CENPM: variants seen among roughly 807,000 people sequenced by gnomAD.
The protein encoded by CENPM is interphase centromere complex protein 39.
Under a neutral mutation model 19.6 loss-of-function variants are expected in CENPM, and 14 were observed. That is an observed-to-expected ratio of 0.71 (90% CI 0.47 to 1.11). The LOEUF (loss-of-function observed/expected upper bound fraction) is 1.11, where lower values mean the gene tolerates loss of function less well. Ranked by LOEUF, CENPM falls within the 50% of genes most tolerant of loss-of-function variation. The pLI is 0.00. For synonymous variants in CENPM, 114 were observed against 101.5 expected, an observed-to-expected ratio of 1.12 and a Z score of -0.74; for missense variants, 239 against 228.4, an observed-to-expected ratio of 1.05 and a Z score of -0.30.
At position 41,946,436 on chromosome 22, in the gene CENPM, A is replaced by G. The variant is rs751933875; in HGVS notation, c.118T>C (p.Cys40Arg). 1.1e-5 allele frequency: 18 copies of G among 1,612,910 alleles called. No individual in the cohort carries two copies. In the South Asian group the frequency reaches 2.0e-4, roughly 18 times the overall value. The change falls in exon 2 of 6, where the codon TGC becomes CGC. Residue 40 changes from cysteine (C) to arginine (R), a missense_variant. By Grantham distance (180) the Cys-to-Arg change is radical. Coordinates refer to ENST00000215980, the MANE Select transcript of CENPM (RefSeq NM_024053.5). ...ACTTACACCTTCAGCTCGGAGGCGC[A>G]GTCCTCTTTGAGCATCGAGTCCGCC... ...QLADSMLKED[C>R]ASELKVHLAK...
In CENPM at chr22:41,945,849, C is replaced by G; in HGVS notation, c.230+64G>C. ...CACTTCCCATCACAAGTTAGGTCAC[C>G]GTCTCAGCACAGTCCTGAGCCAGGC... On this transcript the variant is annotated intron_variant, in intron 3 of 5. Coordinates refer to ENST00000215980, the MANE Select transcript of CENPM (RefSeq NM_024053.5). The G allele has an allele frequency of 3.0e-6, 4 of 1,313,400 alleles. No individual in the cohort carries two copies. In the South Asian group the frequency reaches 5.0e-5, roughly 17 times the overall value. 81.4% of individuals were successfully genotyped at this position (1,313,400 alleles called of 1,614,324 possible).
At chr22:41,934,804 G>T (rs554804733), downstream of CENPM, among the ~76,000 whole-genome samples, 1 of 152,168 alleles carries the variant, frequency 6.6e-6, no homozygotes, top group Non-Finnish European at 1.5e-5. Flanking sequence ...CTGAGGTCAC[G>T]CCACCAAGCA....
chr22:41,943,755 T>C, intron 4 of CENPM, 54 bp from the exon 5 acceptor site: 1 of 1,519,228 alleles, frequency 6.6e-7, no homozygotes, highest in Non-Finnish European at 9.1e-7. Context: ...CTGGCTGGAA[T>C]TCAGGAAGTG....
chr22:41,940,234 G>A, intron 5 of CENPM: 1 of 724,396 alleles, frequency 1.4e-6, no homozygotes, highest in Non-Finnish European at 2.6e-6. Context: ...ACTTCCTTCA[G>A]GTCTTTATTT....
rs2077786308 is a variant in CENPM, at chr22:41,945,291, CTG to C, written c.242_243del (p.Thr81ArgfsTer51). ...NLHSKYSLQN[T>X]EESLRHVDAS... Reference sequence around the variant, plus strand: ...GCATCCACATGGCGCAGGGACTCCTCTGTGTTCTGGAGACTGGGGTGGCCAGG... The same window carrying C: ...GCATCCACATGGCGCAGGGACTCCTCTGTTCTGGAGACTGGGGTGGCCAGG... On this transcript the variant is annotated frameshift_variant, in exon 4 of 6. Transcript: ENST00000215980. LOFTEE classifies it high-confidence loss of function. The C allele has an allele frequency of 6.2e-7, 1 of 1,613,852 alleles. No homozygotes were observed. Among genetic ancestry groups the C allele is most frequent in the African/African-American group, 1.3e-5 (1 of 74,842 alleles).
the CENPM span, among the ~76,000 whole-genome samples, chr22:41,931,687 C>G: frequency 2.6e-5 from 4 of 152,294 alleles, no homozygotes; most frequent in African/African-American, 7.2e-5. Flanking sequence ...TGGGAGGGGC[C>G]TGCAGGGGGT....
Position 41,943,680 on chromosome 22 carries a change from C to T in CENPM, c.332G>A (p.Ser111Asn). Residue 111 changes from serine to asparagine, a missense_variant, in exon 5 of 6, where the codon AGC becomes AAC. Ser to Asn is a conservative substitution (Grantham distance 46, BLOSUM62 1). Transcript: ENST00000215980. Reference protein sequence around the residue: ...ATGAGRESHCSIHRHTVVKLA... With the variant: ...ATGAGRESHCNIHRHTVVKLA... The stretch of plus-strand genomic sequence containing the variant: ...CTTCACCACGGTGTGCCGGTGAATG[C>T]TGCAGTGGCTCTCCCGCCCAGCTGG... The T allele has an allele frequency of 3.1e-6, 5 of 1,613,638 alleles. No individual in the cohort carries two copies. Among genetic ancestry groups the T allele is most frequent in the South Asian group, 1.1e-5 (1 of 90,962 alleles).
At chr22:41,932,913 C>T in the CENPM span, among the ~76,000 whole-genome samples, 1 of 152,214 alleles carries the variant, frequency 6.6e-6, no homozygotes, top group African/African-American at 2.4e-5. The surrounding 1 kb of genome is among the most constrained non-coding windows in gnomAD (Gnocchi z 4.3). Context: ...GCACCAGGAG[C>T]TGTTTTGGGT....
At chr22:41,929,946 T>TTTTG in the CENPM span, among the ~76,000 whole-genome samples, 1 of 139,130 alleles carries the variant, frequency 7.2e-6, no homozygotes, top group Non-Finnish European at 1.6e-5. Flanking sequence ...TTTTTTTTTT[T>TTTTG]TTTTTTTTTT....
rs1161525647 is a variant in CENPM at position 41,943,556 on chromosome 22, C to T, written c.402+54G>A. 4.0e-6 allele frequency: 6 copies of T among 1,509,702 alleles called. No individual in the cohort carries two copies. The East Asian group carries it at 1.4e-4, about 35-fold the overall frequency. The allele number at this position is 1,509,702 out of a possible 1,614,324, so 93.5% of individuals were successfully genotyped here. A position where few individuals can be genotyped will look rare whatever the true frequency, so the allele number is the denominator to read the frequency against. ...CCCAATGTGCCCACTGTGTGCTGAC[C>T]ACCCTTTCCCCGCACCCGAGTATAG... On this transcript the variant is annotated intron_variant, in intron 5 of 5. Coordinates refer to ENST00000215980, the MANE Select transcript of CENPM (RefSeq NM_024053.5).
At chr22:41,940,209 G>T in intron 5 of CENPM, 1 of 751,924 alleles carries the variant, frequency 1.3e-6, no homozygotes. Flanking sequence ...AGGTATCTCC[G>T]TGGCCTGCCT....
chr22:41,939,917 CCTGT>C (rs1478659936), intron 5 of CENPM, among the ~76,000 whole-genome samples: 1 of 62,092 alleles, frequency 1.6e-5, no homozygotes, highest in Non-Finnish European at 3.3e-5. Context: ...AGCCTCCAGA[CCTGT>C]CTCTCTATTT....
At chr22:41,933,898 AC>A (rs1169879294), downstream of CENPM, among the ~76,000 whole-genome samples, 1 of 152,038 alleles carries the variant, frequency 6.6e-6, no homozygotes. Context: ...CTCCTCGCCC[AC>A]CAGCCTGCCA....
At chr22:41,930,665 C>T in the CENPM span, among the ~76,000 whole-genome samples, 1 of 151,970 alleles carries the variant, frequency 6.6e-6, no homozygotes, top group Admixed American at 6.6e-5. Flanking sequence ...ATTACAGGCA[C>T]CTGCCACCAG....
the CENPM span, chr22:41,928,063 C>T: frequency 2.5e-5 from 7 of 275,688 alleles, no homozygotes; most frequent in African/African-American, 1.1e-4. The surrounding 1 kb of genome is among the most constrained non-coding windows in gnomAD (Gnocchi z 4.0). Flanking sequence ...GTGCTGGGAC[C>T]GAAAGGCTGG....
At chr22:41,940,104 A>G (rs981174419) in intron 5 of CENPM, 1 of 752,866 alleles carries the variant, frequency 1.3e-6, no homozygotes, top group Non-Finnish European at 2.5e-6. Flanking sequence ...GCCCTTTGCT[A>G]TTGTGCTGCA....
chr22:41,933,815 C>T (rs571262914), downstream of CENPM, among the ~76,000 whole-genome samples: 20 of 152,330 alleles, frequency 1.3e-4, no homozygotes, highest in African/African-American at 4.6e-4. Flanking sequence ...GCCAGCAGGC[C>T]TGGCCCAGCA....
At chr22:41,940,208 C>T (rs757466930) in intron 5 of CENPM, 21 of 752,322 alleles carry the variant, frequency 2.8e-5, no homozygotes, top group South Asian at 4.3e-5. Context: ...GAGGTATCTC[C>T]GTGGCCTGCC....
downstream of CENPM, among the ~76,000 whole-genome samples, chr22:41,937,174 A>G (rs2077687464): frequency 6.6e-6 from 1 of 152,222 alleles, no homozygotes; most frequent in African/African-American, 2.4e-5. Flanking sequence ...AAGGAAAGCA[A>G]CTGGCACTGT....
Sources: gnomAD v4.1 joint callset for allele counts (sites outside exome capture counted in the v4.1 genomes callset) on GRCh38, gnomAD v4.1.1 for gene constraint, Gnocchi (gnomAD v3.1) non-coding constraint, MANE v1.5 for transcripts, NCBI Gene and HGNC (gene_info 2026-07-23, HGNC 2026-07-21) for gene names.